DOK1: variants seen among roughly 807,000 people sequenced by gnomAD.
DOK1 encodes Downstream of tyrosine kinase 1.
In DOK1, 12 loss-of-function variants were observed where a neutral mutation model predicts 24.0. The observed-to-expected ratio is 0.50, with a 90% CI of 0.32 to 0.81. The LOEUF is 0.81. Among genes scored for constraint, DOK1 ranks in the 30% least tolerant of loss-of-function variants. DOK1 has a pLI of 0.03. For synonymous variants in DOK1, 250 were observed against 260.9 expected, an observed-to-expected ratio of 0.96 and a Z score of 0.40; for missense variants, 591 against 620.7, an observed-to-expected ratio of 0.95 and a Z score of 0.51.
upstream of DOK1, chr2:74,550,338 C>T (rs1676924960): frequency 6.2e-7 from 1 of 1,613,150 alleles, no homozygotes; most frequent in Non-Finnish European, 8.5e-7. Context: ...AGTTGTCCAG[C>T]CAGATGCGGC....
chr2:74,553,370 C>T (rs540283672), upstream of DOK1, among the ~76,000 whole-genome samples: 5 of 152,314 alleles, frequency 3.3e-5, no homozygotes, highest in South Asian at 1.0e-3. Flanking sequence ...CTCTCAGATG[C>T]CCTGCAGGGT....
chr2:74,554,923 G>A lies in DOK1; in HGVS notation c.60+109G>A, dbSNP rs1398680788. 1.7e-5 allele frequency: 26 copies of A among 1,540,094 alleles called. No individual in the cohort carries two copies. The highest frequency in any genetic ancestry group is 2.2e-5 in the Non-Finnish European group (25 of 1,133,526). On this transcript the variant is annotated intron_variant, in intron 1 of 4. Coordinates refer to ENST00000233668, the MANE Select transcript of DOK1 (RefSeq NM_001381.5). This position sits in a 1 kb window ranked among gnomAD's most constrained non-coding sequence, Gnocchi z 4.9. Reference sequence around the variant, plus strand: ...CTGGAGAGCGGCGCCGGGAGTTGGAGAGCCTGTGACTTTCCCGTGAAGTTG... The same window carrying A: ...CTGGAGAGCGGCGCCGGGAGTTGGAAAGCCTGTGACTTTCCCGTGAAGTTG...
Position 74,557,292 on chromosome 2 carries a change from TG to T in DOK1, c.*182del, listed in dbSNP as rs1006795592. On this transcript the variant is annotated 3_prime_UTR_variant, in exon 5 of 5. Coordinates refer to ENST00000233668, the MANE Select transcript of DOK1 (RefSeq NM_001381.5). The stretch of plus-strand genomic sequence containing the variant: ...GACAATCCCAGGAAGTCCTAAGAAG[TG>T]GGGCAGATGGCAGGGCTGAGGATGG... 44 of 633,540 alleles carry T rather than the reference TG, an allele frequency of 6.9e-5. No homozygotes were observed. The highest frequency in any genetic ancestry group is 6.2e-4 in the African/African-American group (34 of 54,796). The allele number at this position is 633,540 out of a possible 1,614,324, so 39.2% of individuals were successfully genotyped here. A position where few individuals can be genotyped will look rare whatever the true frequency, so the allele number is the denominator to read the frequency against.
chr2:74,555,288 C>T lies in DOK1; in HGVS notation c.195C>T (p.Ile65=). 1.2e-6 allele frequency: 2 copies of T among 1,614,108 alleles called. No individual in the cohort carries two copies. Among genetic ancestry groups the T allele is most frequent in the Non-Finnish European group, 1.7e-6 (2 of 1,180,006 alleles). ...GSSRRLDCKV[I]RLAECVSVAP... is the part of the protein sequence containing the mutation. The stretch of plus-strand genomic sequence containing the variant: ...CGCGCCGCCTGGACTGCAAAGTGAT[C>T]CGTCTGGCTGAGTGTGTGAGTGTGG... Residue 65 remains isoleucine (I), a synonymous_variant, in exon 2 of 5, where the codon ATC becomes ATT. Transcript: ENST00000233668. This position sits in a 1 kb window ranked among gnomAD's most constrained non-coding sequence, Gnocchi z 6.1.
chr2:74,549,992 C>G, upstream of DOK1: 1 of 985,408 alleles, frequency 1.0e-6, no homozygotes, highest in South Asian at 4.7e-5. The surrounding 1 kb of genome is among the most constrained non-coding windows in gnomAD (Gnocchi z 5.3). Flanking sequence ...CCAGGTTTAG[C>G]CCCTTGAATG....
In DOK1 at chr2:74,556,538, C is replaced by T. The variant is rs765150347; in HGVS notation, c.870C>T (p.Asp290=). ...CACCTGGCCCCCAAGAGCTCCTCGA[C>T]AGTCCCCCAGCCCTGTATGCTGAGC... ...PSPPGPQELL[D]SPPALYAEPL... Residue 290 remains aspartate, a synonymous_variant, in exon 5 of 5, where the codon GAC becomes GAT. Transcript: ENST00000233668. The surrounding 1 kb of genome is among the most constrained non-coding windows in gnomAD (Gnocchi z 4.1). 4.3e-6 allele frequency: 7 copies of T among 1,614,082 alleles called. No individual in the cohort carries two copies. The highest frequency in any genetic ancestry group is 1.7e-6 in the Non-Finnish European group (2 of 1,180,046).
chr2:74,555,985 G>T lies in DOK1; in HGVS notation c.546G>T (p.Arg182Ser). The change falls in exon 4 of 5, where the codon AGG (arginine) becomes AGT (serine). Residue 182 changes from arginine (R) to serine (S), a missense_variant. By Grantham distance (110) the Arg-to-Ser change is moderately radical (BLOSUM62 -1). Transcript: ENST00000233668. The surrounding 1 kb of genome is among the most constrained non-coding windows in gnomAD (Gnocchi z 6.1). ...GSYVLRVEAE[R>S]LTLLTVGAQS... is the part of the protein sequence containing the mutation. Reference sequence around the variant, plus strand: ...ACGTGCTGAGGGTGGAGGCTGAAAGGCTGACTCTCCTGACCGTGGGGGCCC... The same window carrying T: ...ACGTGCTGAGGGTGGAGGCTGAAAGTCTGACTCTCCTGACCGTGGGGGCCC... 1 of 1,613,984 alleles carries T rather than the reference G, an allele frequency of 6.2e-7. No individual in the cohort carries two copies. The highest frequency in any genetic ancestry group is 8.5e-7 in the Non-Finnish European group (1 of 1,179,942).
At position 74,556,612 on chromosome 2, in the gene DOK1, A is replaced by T; in HGVS notation, c.944A>T (p.Tyr315Phe). The T allele has an allele frequency of 3.1e-6, 5 of 1,614,098 alleles. No individual in the cohort carries two copies. Among genetic ancestry groups the T allele is most frequent in the South Asian group, 2.2e-5 (2 of 91,078 alleles). The part of the protein sequence containing the change: ...IAPCPSQDSL[Y>F]SDPLDSTSAQ... ...CCATGCCCTTCCCAGGACTCCCTATACTCAGACCCCTTGGACAGCACGTCT... is the reference window on the plus strand; with the variant it reads ...CCATGCCCTTCCCAGGACTCCCTATTCTCAGACCCCTTGGACAGCACGTCT... Residue 315 changes from tyrosine to phenylalanine, a missense_variant, in exon 5 of 5, where the codon TAC becomes TTC. Transcript: ENST00000233668. This position sits in a 1 kb window ranked among gnomAD's most constrained non-coding sequence, Gnocchi z 4.1.
chr2:74,552,543 G>A (rs754646119), upstream of DOK1: 40 of 1,612,456 alleles, frequency 2.5e-5, no homozygotes, highest in African/African-American at 4.0e-5. Flanking sequence ...CTCAGGGCCC[G>A]TGGAAGGGGA....
chr2:74,555,055 C>A lies in DOK1; in HGVS notation c.61-99C>A. On this transcript the variant is annotated intron_variant, in intron 1 of 4. Transcript: ENST00000233668. This position sits in a 1 kb window ranked among gnomAD's most constrained non-coding sequence, Gnocchi z 6.1. ...CGCCCCCAACCCCGTTTGGAAGCCC[C>A]AGATCCCAAATCGACTTGCGCCGCA... 1 of 1,467,138 alleles carries A rather than the reference C, an allele frequency of 6.8e-7. No individual in the cohort carries two copies. The highest frequency in any genetic ancestry group is 1.3e-5 in the South Asian group (1 of 75,818). 90.9% of individuals were successfully genotyped at this position (1,467,138 alleles called of 1,614,324 possible).
At chr2:74,549,732 G>A (rs763586491), upstream of DOK1, 1 of 1,442,070 alleles carries the variant, frequency 6.9e-7, no homozygotes, top group Non-Finnish European at 9.1e-7. This position sits in a 1 kb window ranked among gnomAD's most constrained non-coding sequence, Gnocchi z 5.3. Context: ...CACGATGGCC[G>A]CAGTCCGCGG....
upstream of DOK1, among the ~76,000 whole-genome samples, chr2:74,551,186 AGCCTCCCAAAGT>A (rs1676986889): frequency 6.6e-6 from 1 of 152,178 alleles, no homozygotes; most frequent in African/African-American, 2.4e-5. Context: ...CACCCACCTC[AGCCTCCCAAAGT>A]GCTGGGATTA....
upstream of DOK1, chr2:74,550,090 C>T: frequency 6.7e-7 from 1 of 1,498,048 alleles, no homozygotes; most frequent in Admixed American, 2.3e-5. Context: ...AATGATCCCC[C>T]AGGGGTAACT....
chr2:74,550,939 T>G (rs1225152661), upstream of DOK1, among the ~76,000 whole-genome samples: 1 of 152,022 alleles, frequency 6.6e-6, no homozygotes, highest in Non-Finnish European at 1.5e-5. Context: ...AACCTGTTTT[T>G]TTTTTTTTTT....
chr2:74,555,178 C>G lies in DOK1; in HGVS notation c.85C>G (p.Leu29Val). Residue 29 changes from leucine to valine, a missense_variant, in exon 2 of 5, where the codon CTC (leucine) becomes GTC (valine). Transcript: ENST00000233668. The surrounding 1 kb of genome is among the most constrained non-coding windows in gnomAD (Gnocchi z 6.1). ...GAGGTGGAGGAAGACCTGGGCCGTG[C>G]TCTACCCGGCCAGTCCCCACGGCGT... ...TKRWRKTWAV[L>V]YPASPHGVAR... The G allele has an allele frequency of 6.2e-7, 1 of 1,613,040 alleles. No individual in the cohort carries two copies. The highest frequency in any genetic ancestry group is 8.5e-7 in the Non-Finnish European group (1 of 1,179,828).
In DOK1 at chr2:74,555,141, T is replaced by A. The variant is rs2104466794; in HGVS notation, c.61-13T>A. ...ACGCCACTCCCTCTCGAGCACTCTC[T>A]CTCTCTCCCTAGAGGTGGAGGAAGA... On this transcript the variant is annotated splice_polypyrimidine_tract_variant and intron_variant, in intron 1 of 4. Transcript: ENST00000233668. This position sits in a 1 kb window ranked among gnomAD's most constrained non-coding sequence, Gnocchi z 6.1. 9 of 1,604,262 alleles carry A rather than the reference T, an allele frequency of 5.6e-6. No individual in the cohort carries two copies. The highest frequency in any genetic ancestry group is 7.7e-6 in the Non-Finnish European group (9 of 1,174,548).
chr2:74,553,574 C>T (rs1170424356), upstream of DOK1, among the ~76,000 whole-genome samples: 1 of 152,236 alleles, frequency 6.6e-6, no homozygotes, highest in Non-Finnish European at 1.5e-5. Context: ...ATGCTTCCCC[C>T]AACCCAAACA....
In DOK1 at chr2:74,549,147, G is replaced by C; in HGVS notation, c.-383G>C. 2.3e-6 allele frequency: 1 copy of C among 431,170 alleles called. No homozygotes were observed. Among genetic ancestry groups the C allele is most frequent in the Non-Finnish European group, 4.0e-6 (1 of 252,494 alleles). The allele number at this position is 431,170 out of a possible 1,614,324, so 26.7% of individuals were successfully genotyped here. A position where few individuals can be genotyped will look rare whatever the true frequency, so the allele number is the denominator to read the frequency against. On this transcript the variant is annotated 5_prime_UTR_variant, in exon 1 of 5. Transcript: ENST00000409429. This position sits in a 1 kb window ranked among gnomAD's most constrained non-coding sequence, Gnocchi z 5.3. ...GCCCAGGCGTCGGCCACGAGAGAGC[G>C]GGAGCCTCGCTGGTCCCCATTTCAG...
In DOK1 at chr2:74,555,517, G is replaced by C; in HGVS notation, c.361-58G>C. 6.2e-7 allele frequency: 1 copy of C among 1,612,734 alleles called. No homozygotes were observed. The highest frequency in any genetic ancestry group is 1.1e-5 in the South Asian group (1 of 90,900). ...GAGGCAGAGAAATGGGGCTGCCTCAGACCGACCCCCGCTCCCCGCTGAGGA... is the reference window on the plus strand; with the variant it reads ...GAGGCAGAGAAATGGGGCTGCCTCACACCGACCCCCGCTCCCCGCTGAGGA... On this transcript the variant is annotated intron_variant, in intron 2 of 4. Coordinates refer to ENST00000233668, the MANE Select transcript of DOK1 (RefSeq NM_001381.5). The surrounding 1 kb of genome is among the most constrained non-coding windows in gnomAD (Gnocchi z 6.1).
Sources: allele counts gnomAD v4.1 joint callset (sites outside exome capture counted in the v4.1 genomes callset), GRCh38; gene constraint gnomAD v4.1.1; non-coding constraint Gnocchi (gnomAD v3.1); transcripts MANE v1.5; gene names NCBI Gene and HGNC (gene_info 2026-07-23, HGNC 2026-07-21).